TSPAN9: variants seen among roughly 807,000 people sequenced by gnomAD.
The protein encoded by TSPAN9 is tetraspanin-9.
In TSPAN9, 16 loss-of-function variants were observed where a neutral mutation model predicts 31.0. The ratio of observed to expected loss-of-function variants is 0.52; its 90% CI spans 0.35 to 0.78. TSPAN9 has a LOEUF of 0.78. TSPAN9 is among the 30% of genes least tolerant of loss of function. The probability of loss-of-function intolerance (pLI) is 0.01; values close to 1 mark genes in which losing one functional copy is unlikely to be tolerated. For synonymous variants in TSPAN9, 145 were observed against 121.6 expected (o/e 1.19, Z -1.27); for missense variants, 272 against 312.5 (o/e 0.87, Z 0.98).
chr12:3,214,855 C>T (rs990193799), intron 3 of TSPAN9, among the ~76,000 whole-genome samples: 1 of 152,070 alleles, frequency 6.6e-6, no homozygotes, highest in Non-Finnish European at 1.5e-5. Context: ...CTCCAGCGAT[C>T]GTCATTAGGA....
Position 3,096,933 on chromosome 12 carries a change from C to T in TSPAN9, c.-18+13214C>T, listed in dbSNP as rs190933683. 1.6e-3 allele frequency among the ~76,000 whole-genome samples: 245 copies of T among 152,258 alleles called. 1 individual carries two copies. Among genetic ancestry groups the T allele is most frequent in the South Asian group, 2.7e-3 (13 of 4,820 alleles). The stretch of plus-strand genomic sequence containing the variant: ...CAGGATGGTCTCGATCTTCTCACCT[C>T]GTGATCTGCCTGCCTTGGCCTCCCA... On this transcript the variant is annotated intron_variant, in intron 2 of 8. Coordinates refer to ENST00000011898, the MANE Select transcript of TSPAN9 (RefSeq NM_006675.5).
intron 3 of TSPAN9, among the ~76,000 whole-genome samples, chr12:3,216,380 C>T (rs760648152): frequency 5.9e-5 from 9 of 152,174 alleles, no homozygotes; most frequent in African/African-American, 9.7e-5. Flanking sequence ...TTTGCTCCCC[C>T]GAGATGTCCA....
chr12:3,097,740 A>G (rs993482608), intron 2 of TSPAN9, among the ~76,000 whole-genome samples: 1 of 152,176 alleles, frequency 6.6e-6, no homozygotes, highest in Non-Finnish European at 1.5e-5. Context: ...GGTAACAGCC[A>G]TTGGCTGGGG....
chr12:3,140,935 G>T (rs1234856625), intron 2 of TSPAN9, among the ~76,000 whole-genome samples: 3 of 151,684 alleles, frequency 2.0e-5, no homozygotes, highest in African/African-American at 7.3e-5. Flanking sequence ...AGGACCAAGG[G>T]TGTTTTGGGT....
intron 2 of TSPAN9, among the ~76,000 whole-genome samples, chr12:3,117,764 A>G (rs6489438): frequency 0.81 from 122,754 of 152,176 alleles, 49,708 homozygotes; most frequent in Admixed American, 0.86. Flanking sequence ...ACCTGAGACT[A>G]TGGGAACAGC....
intron 2 of TSPAN9, among the ~76,000 whole-genome samples, chr12:3,156,490 A>G (rs562247824): frequency 1.3e-5 from 2 of 151,452 alleles, no homozygotes; most frequent in African/African-American, 2.4e-5. Flanking sequence ...TTTGCTTCTT[A>G]GAGTTGTTTT....
intron 2 of TSPAN9, among the ~76,000 whole-genome samples, chr12:3,133,793 AATGG>A (rs1480958409): frequency 1.3e-5 from 2 of 152,138 alleles, no homozygotes; most frequent in African/African-American, 4.8e-5. Context: ...GTCCTGTGAA[AATGG>A]ATGGATGACG....
intron 2 of TSPAN9, among the ~76,000 whole-genome samples, chr12:3,137,077 C>T (rs768497358): frequency 1.8e-4 from 28 of 152,202 alleles, no homozygotes; most frequent in Non-Finnish European, 1.6e-4. Context: ...GGACTGCGGC[C>T]GGGACCCTCT....
At position 3,235,024 on chromosome 12, in the gene TSPAN9, G is replaced by A. The variant is rs537222034; in HGVS notation, c.63+33768G>A. ...AAAAATACAAAAAAAAAAATTAGCC[G>A]GGCGTGGTGGTGGGCGCCTGTAGTC... On this transcript the variant is annotated intron_variant, in intron 3 of 8. Coordinates refer to ENST00000011898, the MANE Select transcript of TSPAN9 (RefSeq NM_006675.5). Among the ~76,000 whole-genome samples the A allele has an allele frequency of 3.2e-4, 48 of 147,838 alleles. No homozygotes were observed. The South Asian group carries it at 7.9e-3, about 24-fold the overall frequency.
At chr12:3,219,444 G>T (rs749267982) in intron 3 of TSPAN9, among the ~76,000 whole-genome samples, 2 of 152,144 alleles carry the variant, frequency 1.3e-5, no homozygotes, top group African/African-American at 2.4e-5. Context: ...CCCATCTCCC[G>T]GTGTGGGTCG....
Position 3,107,803 on chromosome 12 carries a change from G to T in TSPAN9, c.-18+24084G>T, listed in dbSNP as rs1256468878. The stretch of plus-strand genomic sequence containing the variant: ...ATCCAGATACCTGGTGATATCGCTA[G>T]TGCTACCTGGGCATGAATTCATTTT... On this transcript the variant is annotated intron_variant, in intron 2 of 8. Coordinates refer to ENST00000011898, the MANE Select transcript of TSPAN9 (RefSeq NM_006675.5). This position sits in a 1 kb window ranked among gnomAD's most constrained non-coding sequence, Gnocchi z 4.1. Among the ~76,000 whole-genome samples the T allele has an allele frequency of 3.3e-5, 5 of 152,192 alleles. No individual in the cohort carries two copies. Among genetic ancestry groups the T allele is most frequent in the African/African-American group, 1.2e-4 (5 of 41,450 alleles).
At chr12:3,093,437 T>C (rs577613651) in intron 2 of TSPAN9, among the ~76,000 whole-genome samples, 6 of 151,994 alleles carry the variant, frequency 3.9e-5, no homozygotes, top group Non-Finnish European at 8.8e-5. Flanking sequence ...AGCTGGTGAG[T>C]CTCCGAGTGT....
At chr12:3,161,813 A>ATCTG (rs57792108) in intron 2 of TSPAN9, among the ~76,000 whole-genome samples, 19 of 128,356 alleles carry the variant, frequency 1.5e-4, no homozygotes, top group African/African-American at 3.7e-4. Context: ...CTATCTATCT[A>ATCTG]TCTGTCTGTC....
chr12:3,251,187 C>T (rs899654172), intron 3 of TSPAN9, among the ~76,000 whole-genome samples: 1 of 152,190 alleles, frequency 6.6e-6, no homozygotes, highest in Non-Finnish European at 1.5e-5. Flanking sequence ...TTGGAGATGG[C>T]TGGGGAGACT....
At chr12:3,085,439 T>G (rs1245195895) in intron 2 of TSPAN9, among the ~76,000 whole-genome samples, 1 of 151,760 alleles carries the variant, frequency 6.6e-6, no homozygotes, top group South Asian at 2.1e-4. Flanking sequence ...GCATCTGCGT[T>G]GAAACCCAAG....
intron 3 of TSPAN9, among the ~76,000 whole-genome samples, chr12:3,249,800 A>G (rs962541055): frequency 6.6e-6 from 1 of 152,124 alleles, no homozygotes; most frequent in Non-Finnish European, 1.5e-5. Context: ...TGAGTGAATG[A>G]TGGAGCCAGG....
intron 1 of TSPAN9, among the ~76,000 whole-genome samples, chr12:3,080,307 TA>T (rs1451010803): frequency 6.6e-6 from 1 of 152,116 alleles, no homozygotes; most frequent in Non-Finnish European, 1.5e-5. Context: ...AAATTGTGGT[TA>T]AAAAAACACT....
Position 3,107,170 on chromosome 12 carries a change from C to T in TSPAN9, c.-18+23451C>T, listed in dbSNP as rs138317585. On this transcript the variant is annotated intron_variant, in intron 2 of 8. Coordinates refer to ENST00000011898, the MANE Select transcript of TSPAN9 (RefSeq NM_006675.5). The surrounding 1 kb of genome is among the most constrained non-coding windows in gnomAD (Gnocchi z 4.1). Reference sequence around the variant, plus strand: ...GGAAATCCAATTAGACTTGAGCCGCCGGCGGCCCCCTCCGTGGGGAGTGGG... The same window carrying T: ...GGAAATCCAATTAGACTTGAGCCGCTGGCGGCCCCCTCCGTGGGGAGTGGG... Among the ~76,000 whole-genome samples the T allele has an allele frequency of 8.0e-3, 1,216 of 152,224 alleles. 16 individuals are homozygous for T. The highest frequency in any genetic ancestry group is 0.027 in the African/African-American group (1,102 of 41,522).
rs144676537 is a variant in TSPAN9 at position 3,144,534 on chromosome 12, T to C, written c.-17-56643T>C. 4.1e-3 allele frequency among the ~76,000 whole-genome samples: 628 copies of C among 152,346 alleles called. 2 individuals carry two copies. Among genetic ancestry groups the C allele is most frequent in the African/African-American group, 0.014 (563 of 41,572 alleles). The stretch of plus-strand genomic sequence containing the variant: ...AGCTAGAAAGAGGCCAGGAAGGATC[T>C]TCCCCTAGAGGCTGCAGAGGGAGCC... On this transcript the variant is annotated intron_variant, in intron 2 of 8. Transcript: ENST00000011898.
Sources: allele counts gnomAD v4.1 joint callset (sites outside exome capture counted in the v4.1 genomes callset), GRCh38; gene constraint gnomAD v4.1.1; non-coding constraint Gnocchi (gnomAD v3.1); transcripts MANE v1.5; gene names NCBI Gene and HGNC (gene_info 2026-07-23, HGNC 2026-07-21).